Variants in LRP1B observed in about 807,000 individuals in gnomAD.
LRP1B encodes LDL receptor related protein 1B.
LRP1B carries 217 observed loss-of-function variants against 556.6 expected under a neutral mutation model. The observed-to-expected ratio is 0.39, with a 90% CI of 0.35 to 0.44. The LOEUF (loss-of-function observed/expected upper bound fraction) is 0.44. Ranked by LOEUF, LRP1B falls within the 20% of genes least tolerant of loss-of-function variation. The pLI is 1.00. For synonymous variants in LRP1B, 2,047 were observed against 1,865.8 expected (o/e 1.10, Z -2.50); for missense variants, 5,053 against 5,620.8 (o/e 0.90, Z 3.23).
chr2:141,447,084 A>G (rs1410480567), intron 3 of LRP1B, among the ~76,000 whole-genome samples: 1 of 151,802 alleles, frequency 6.6e-6, no homozygotes, highest in Non-Finnish European at 1.5e-5. Flanking sequence ...ACATAGTCCC[A>G]TATTTCTTGG....
chr2:140,249,054 A>C (rs1289782638), intron 86 of LRP1B, among the ~76,000 whole-genome samples: 1 of 151,544 alleles, frequency 6.6e-6, no homozygotes, highest in African/African-American at 2.4e-5. Flanking sequence ...AGAAAAAAAA[A>C]ACTAAATCAG....
intron 67 of LRP1B, among the ~76,000 whole-genome samples, chr2:140,384,585 C>T (rs1430927170): frequency 6.6e-6 from 1 of 152,112 alleles, no homozygotes; most frequent in East Asian, 1.9e-4. Context: ...TCACAATAAT[C>T]CAGAGATTTC....
chr2:140,731,631 G>T (rs1196609999), intron 35 of LRP1B, among the ~76,000 whole-genome samples: 3 of 151,848 alleles, frequency 2.0e-5, no homozygotes, highest in Non-Finnish European at 4.4e-5. Flanking sequence ...AACTGGGCGT[G>T]GTGGCCCGTG....
At chr2:141,514,583 C>T (rs1016380725) in intron 2 of LRP1B, among the ~76,000 whole-genome samples, 2 of 152,092 alleles carry the variant, frequency 1.3e-5, no homozygotes, top group African/African-American at 2.4e-5. Context: ...AGAGCCATAA[C>T]GGTACATGCA....
intron 37 of LRP1B, among the ~76,000 whole-genome samples, chr2:140,706,003 C>A (rs1166276495): frequency 6.6e-6 from 1 of 151,970 alleles, no homozygotes; most frequent in Non-Finnish European, 1.5e-5. Context: ...GGATTATAAA[C>A]CAAATGTAGA....
chr2:140,629,865 CTAATA>C (rs778438721), intron 41 of LRP1B, among the ~76,000 whole-genome samples: 12 of 152,078 alleles, frequency 7.9e-5, no homozygotes, highest in Non-Finnish European at 1.6e-4. Context: ...ATTCAATAAA[CTAATA>C]TAATAAAAGA....
intron 65 of LRP1B, 108 bp from the exon 66 acceptor site, chr2:140,442,731 T>C (rs1397968764): frequency 6.5e-5 from 70 of 1,082,468 alleles, no homozygotes; most frequent in Non-Finnish European, 5.9e-5. Flanking sequence ...AAATGTATTG[T>C]CTTTAAATTA....
At chr2:141,062,701 T>C (rs1242408679) in intron 7 of LRP1B, among the ~76,000 whole-genome samples, 1 of 151,736 alleles carries the variant, frequency 6.6e-6, no homozygotes, top group Non-Finnish European at 1.5e-5. Context: ...ATAAAACTTA[T>C]CATGTGGAGC....
At chr2:140,235,637 G>A (rs1680661378) in intron 89 of LRP1B, among the ~76,000 whole-genome samples, 1 of 150,830 alleles carries the variant, frequency 6.6e-6, no homozygotes, top group Non-Finnish European at 1.5e-5. Context: ...TCATCCAATT[G>A]GTAAATATTT....
At chr2:141,241,746 C>G (rs962308778) in intron 5 of LRP1B, among the ~76,000 whole-genome samples, 37 of 151,896 alleles carry the variant, frequency 2.4e-4, no homozygotes, top group African/African-American at 8.5e-4. Flanking sequence ...CCACAGTGTT[C>G]CTAATTTCAT....
intron 35 of LRP1B, among the ~76,000 whole-genome samples, chr2:140,757,692 C>A (rs1688783405): frequency 1.3e-5 from 2 of 152,236 alleles, no homozygotes; most frequent in South Asian, 4.1e-4. Flanking sequence ...ACGAGCCTGG[C>A]CAACATGGCA....
chr2:140,462,524 A>T (rs1687366430), intron 60 of LRP1B, among the ~76,000 whole-genome samples: 1 of 152,222 alleles, frequency 6.6e-6, no homozygotes, highest in Non-Finnish European at 1.5e-5. Context: ...CCACTGCTAA[A>T]TCATTATAGT....
chr2:140,264,435 G>GC (rs2104932837), intron 86 of LRP1B, among the ~76,000 whole-genome samples: 1 of 151,256 alleles, frequency 6.6e-6, no homozygotes, highest in African/African-American at 2.5e-5. Context: ...CACCACGTTG[G>GC]CCAGGCTAGT....
chr2:141,778,834 A>G (rs1025324860), intron 2 of LRP1B, among the ~76,000 whole-genome samples: 3 of 152,196 alleles, frequency 2.0e-5, no homozygotes, highest in African/African-American at 7.2e-5. Flanking sequence ...AGCTATATTT[A>G]TATAGCAACC....
At chr2:141,510,340 T>C (rs574783065) in intron 2 of LRP1B, among the ~76,000 whole-genome samples, 4 of 152,060 alleles carry the variant, frequency 2.6e-5, no homozygotes, top group African/African-American at 9.6e-5. Flanking sequence ...CCTAAAACCC[T>C]TTTTTACACA....
At chr2:141,384,993 C>A (rs374304215) in intron 3 of LRP1B, among the ~76,000 whole-genome samples, 1 of 152,154 alleles carries the variant, frequency 6.6e-6, no homozygotes, top group African/African-American at 2.4e-5. Flanking sequence ...CCTGGACCCG[C>A]CTTTTAAACC....
intron 43 of LRP1B, among the ~76,000 whole-genome samples, chr2:140,593,878 T>A (rs556022394): frequency 1.3e-5 from 2 of 152,270 alleles, no homozygotes; most frequent in East Asian, 1.9e-4. Flanking sequence ...AAGCAATGGG[T>A]TATATAATAT....
intron 1 of LRP1B, among the ~76,000 whole-genome samples, chr2:142,052,453 GAAT>G (rs1431331668): frequency 6.6e-6 from 1 of 152,044 alleles, no homozygotes; most frequent in Non-Finnish European, 1.5e-5. Flanking sequence ...TAACTTCTAT[GAAT>G]AATGATTCTC....
chr2:141,152,666 T>C (rs550840708), intron 7 of LRP1B, among the ~76,000 whole-genome samples: 1 of 152,022 alleles, frequency 6.6e-6, no homozygotes, highest in East Asian at 1.9e-4. Flanking sequence ...AAGAATAATA[T>C]ATGGTATTAC....
Sources: allele counts gnomAD v4.1 joint callset (sites outside exome capture counted in the v4.1 genomes callset), GRCh38; gene constraint gnomAD v4.1.1; transcripts MANE v1.5; gene names NCBI Gene and HGNC (gene_info 2026-07-23, HGNC 2026-07-21).